The following NAALADL2 variants were observed in gnomAD, a reference collection of about 807,000 sequenced individuals.
NAALADL2 encodes the protein inactive N-acetylated-alpha-linked acidic dipeptidase-like protein 2.
Under a neutral mutation model 87.2 loss-of-function variants are expected in NAALADL2, and 76 were observed. The observed-to-expected ratio is 0.87, with a 90% confidence interval of 0.72 to 1.05. The LOEUF (loss-of-function observed/expected upper bound fraction) is 1.05, where lower values mean the gene tolerates loss of function less well. Ranked by LOEUF, NAALADL2 falls within the 50% of genes least tolerant of loss-of-function variation. NAALADL2 has a pLI of 0.00. For missense variants in NAALADL2, 1,089 were observed against 945.8 expected (o/e 1.15, Z -1.99); for synonymous variants, 354 against 331.0 (o/e 1.07, Z -0.75).
chr3:175,718,548 C>T (rs1412273343), intron 11 of NAALADL2: 15 of 1,592,144 alleles, frequency 9.4e-6, no homozygotes, highest in Middle Eastern at 1.7e-4. Context: ...GTCATGTCTT[C>T]GTCATCTTCT....
At chr3:174,505,246 A>G (rs1719130356) in intron 1 of NAALADL2, among the ~76,000 whole-genome samples, 1 of 152,176 alleles carries the variant, frequency 6.6e-6, no homozygotes, top group Non-Finnish European at 1.5e-5. Flanking sequence ...GCAAAAATGA[A>G]AAATTATAAC....
intron 8 of NAALADL2, among the ~76,000 whole-genome samples, chr3:175,468,944 A>G (rs1057090152): frequency 6.6e-6 from 1 of 151,962 alleles, no homozygotes; most frequent in African/African-American, 2.4e-5. Flanking sequence ...ATAATTGTAT[A>G]TTTTCTTAGT....
intron 2 of NAALADL2, among the ~76,000 whole-genome samples, chr3:175,131,568 C>T (rs1188247965): frequency 3.3e-5 from 5 of 152,136 alleles, no homozygotes; most frequent in Admixed American, 6.5e-5. Context: ...GGCAACCATC[C>T]GATTTCTCAA....
chr3:175,556,547 T>C (rs1215976236), intron 9 of NAALADL2, among the ~76,000 whole-genome samples: 2 of 152,158 alleles, frequency 1.3e-5, no homozygotes, highest in African/African-American at 2.4e-5. Context: ...TGATGGGAGT[T>C]GCACTCCAGG....
Position 174,853,957 on chromosome 3 carries a change from G to A in NAALADL2, c.-9+116211G>A, listed in dbSNP as rs372353074. ...GAATGTAAATTATTATAGTCAGTAT[G>A]GAAAACAGTATGGAAGTTCCTCAAA... On this transcript the variant is annotated intron_variant, in intron 3 of 3. Transcript: ENST00000434257. 3.9e-5 allele frequency among the ~76,000 whole-genome samples: 6 copies of A among 152,184 alleles called. No individual in the cohort carries two copies. The South Asian group carries it at 6.2e-4, about 16-fold the overall frequency.
At chr3:174,581,101 G>T (rs888891765) in intron 2 of NAALADL2, among the ~76,000 whole-genome samples, 2 of 152,122 alleles carry the variant, frequency 1.3e-5, no homozygotes, top group East Asian at 3.8e-4. Context: ...TGTAGAAATT[G>T]TTTCAAAAAA....
chr3:175,600,698 C>T (rs939701280), intron 10 of NAALADL2, among the ~76,000 whole-genome samples: 3 of 151,512 alleles, frequency 2.0e-5, no homozygotes, highest in Admixed American at 6.6e-5. Context: ...CTACCACGCC[C>T]GGCTAATTTT....
chr3:175,262,250 C>A (rs1442904728), intron 4 of NAALADL2, among the ~76,000 whole-genome samples: 3 of 151,968 alleles, frequency 2.0e-5, no homozygotes, highest in Non-Finnish European at 4.4e-5. Context: ...ACTTATTTTA[C>A]ATGAAGCATT....
chr3:175,388,269 G>A (rs1768643484), intron 5 of NAALADL2, among the ~76,000 whole-genome samples: 2 of 151,960 alleles, frequency 1.3e-5, no homozygotes, highest in Non-Finnish European at 2.9e-5. Flanking sequence ...ACCTTACTTT[G>A]GATGTATACA....
intron 1 of NAALADL2, among the ~76,000 whole-genome samples, chr3:174,442,115 C>T (rs1714697304): frequency 6.6e-6 from 1 of 152,098 alleles, no homozygotes; most frequent in Non-Finnish European, 1.5e-5. Context: ...TCTTTGTCAT[C>T]TGTGAGTTAG....
intron 3 of NAALADL2, among the ~76,000 whole-genome samples, chr3:175,238,322 A>T (rs574133620): frequency 6.6e-6 from 1 of 152,132 alleles, no homozygotes; most frequent in South Asian, 2.1e-4. Flanking sequence ...GTTAAAAGGG[A>T]GAAAATAAAG....
intron 2 of NAALADL2, among the ~76,000 whole-genome samples, chr3:175,231,691 A>T (rs962545272): frequency 2.0e-5 from 3 of 152,158 alleles, no homozygotes; most frequent in African/African-American, 7.2e-5. Context: ...TTAACAGTGT[A>T]GAGGAGCAAA....
At chr3:175,102,493 T>C (rs772654532) in intron 2 of NAALADL2, among the ~76,000 whole-genome samples, 1 of 152,194 alleles carries the variant, frequency 6.6e-6, no homozygotes, top group East Asian at 1.9e-4. Context: ...TTCTTTCCCA[T>C]GGTATTTAAA....
chr3:175,189,707 GA>G (rs746608731), intron 2 of NAALADL2, among the ~76,000 whole-genome samples: 10 of 151,408 alleles, frequency 6.6e-5, no homozygotes, highest in Non-Finnish European at 1.5e-4. Flanking sequence ...CACAGAAATA[GA>G]AAACACAGCC....
intron 2 of NAALADL2, among the ~76,000 whole-genome samples, chr3:174,629,552 A>C (rs558929863): frequency 6.6e-6 from 1 of 152,330 alleles, no homozygotes; most frequent in East Asian, 1.9e-4. Context: ...TTGAAGTTGT[A>C]ATTTTATTTT....
At chr3:174,742,068 A>G (rs1733816646) in intron 3 of NAALADL2, among the ~76,000 whole-genome samples, 1 of 151,696 alleles carries the variant, frequency 6.6e-6, no homozygotes, top group Admixed American at 6.6e-5. Context: ...TCAAGGTGGT[A>G]CTGATGTAAA....
intron 3 of NAALADL2, among the ~76,000 whole-genome samples, chr3:174,816,996 A>G (rs893069155): frequency 3.3e-5 from 5 of 152,184 alleles, no homozygotes; most frequent in African/African-American, 7.2e-5. Flanking sequence ...ACTTTATTCT[A>G]TGTCTTCAGT....
At chr3:175,247,282 A>ACG (rs2109714282) in intron 3 of NAALADL2, among the ~76,000 whole-genome samples, 1 of 83,062 alleles carries the variant, frequency 1.2e-5, no homozygotes, top group Admixed American at 1.3e-4. Flanking sequence ...ACACACACAC[A>ACG]CACACATAAA....
chr3:175,221,788 T>TA (rs1560185190), intron 2 of NAALADL2, among the ~76,000 whole-genome samples: 8 of 151,816 alleles, frequency 5.3e-5, no homozygotes, highest in East Asian at 3.9e-4. Context: ...TTTATTTATT[T>TA]TTTTGGAGAT....
Sources: gnomAD v4.1 joint callset for allele counts (sites outside exome capture counted in the v4.1 genomes callset) on GRCh38, gnomAD v4.1.1 for gene constraint, MANE v1.5 for transcripts, NCBI Gene and HGNC (gene_info 2026-07-23, HGNC 2026-07-21) for gene names.